MSR1: variants seen among roughly 807,000 people sequenced by gnomAD.
The protein encoded by MSR1 is macrophage scavenger receptor 1, also known as macrophage scavenger receptor types I and II.
Under a neutral mutation model 47.2 loss-of-function variants are expected in MSR1, and 53 were observed. The ratio of observed to expected loss-of-function variants is 1.12; its 90% CI spans 0.90 to 1.41. The LOEUF is 1.41. Among genes scored for constraint, MSR1 ranks in the 40% most tolerant of loss-of-function variants. The pLI is 0.00. For missense variants in MSR1, 786 were observed against 546.9 expected (o/e 1.44, Z -4.36); for synonymous variants, 239 against 185.6 (o/e 1.29, Z -2.34).
At position 16,139,506 on chromosome 8, in the gene MSR1, G is replaced by A. The variant is rs371967391; in HGVS notation, c.1033+4052C>T. 9.1e-6 allele frequency: 9 copies of A among 984,418 alleles called. No individual in the cohort carries two copies. In the East Asian group the frequency reaches 3.4e-4, roughly 37 times the overall value. The allele number at this position is 984,418 out of a possible 1,614,324, so 61.0% of individuals were successfully genotyped here. ...TAGAATCTTAATAGTATGAATCTTG[G>A]GTCTGTGTGTTAAAACGTAAAGGAA... On this transcript the variant is annotated intron_variant, in intron 8 of 9. Coordinates refer to ENST00000262101, the MANE Select transcript of MSR1 (RefSeq NM_138715.3).
chr8:16,146,854 C>T (rs1002855675), intron 7 of MSR1, among the ~76,000 whole-genome samples: 1 of 152,130 alleles, frequency 6.6e-6, no homozygotes, highest in Non-Finnish European at 1.5e-5. Flanking sequence ...GTCTTTTAAT[C>T]TCTGGCCTCT....
rs34122554 is a variant in MSR1 at position 16,120,268 on chromosome 8, T to A, written c.1222+150A>T. On this transcript the variant is annotated intron_variant, in intron 9 of 9. Transcript: ENST00000262101. ...GGCGCGCGGCTGTAGTCCCAGCTAC[T>A]AGGCAGGCTAAGGGAGGAGAATCGC... 1,504 of 795,748 alleles carry A rather than the reference T, an allele frequency of 1.9e-3. 15 individuals carry two copies. The African/African-American group carries it at 0.021, about 11-fold the overall frequency. 49.3% of individuals were successfully genotyped at this position (795,748 alleles called of 1,614,324 possible).
chr8:16,186,353 A>G (rs904897295), intron 1 of MSR1: 1 of 656,796 alleles, frequency 1.5e-6, no homozygotes, highest in African/African-American at 1.8e-5. Flanking sequence ...TGCTTTAAAT[A>G]TAATCTAGAA....
intron 1 of MSR1, among the ~76,000 whole-genome samples, chr8:16,185,818 T>A (rs1801979739): frequency 1.4e-5 from 2 of 142,590 alleles, no homozygotes; most frequent in Admixed American, 7.2e-5. Flanking sequence ...AGGGAAAAAG[T>A]CAAACAGTAG....
intron 1 of MSR1, among the ~76,000 whole-genome samples, chr8:16,192,309 C>T (rs1213310113): frequency 1.3e-5 from 2 of 151,684 alleles, no homozygotes; most frequent in African/African-American, 2.4e-5. Context: ...ATGAAAAAAC[C>T]CCATTGCTGG....
intron 8 of MSR1, among the ~76,000 whole-genome samples, chr8:16,126,759 G>A (rs1050862246): frequency 8.5e-5 from 13 of 152,140 alleles, no homozygotes; most frequent in African/African-American, 3.1e-4. Context: ...ATTTCACCAC[G>A]TAGCCTAGGC....
chr8:16,150,162 A>ATATATATATATATATATATG (rs1800813205), intron 7 of MSR1, 69 bp downstream of exon 7: 2 of 277,820 alleles, frequency 7.2e-6, no homozygotes, highest in African/African-American at 4.8e-5. Context: ...ATATATATAT[A>ATATATATATATATATATATG]TATATATATA....
In MSR1 at chr8:16,161,744, A is replaced by C. The variant is rs181900987; in HGVS notation, c.817+2321T>G. ...AATTTTACTAACTATGAGCATTAGA[A>C]GTAAAAATTGTCTATATATAGTTTT... On this transcript the variant is annotated intron_variant, in intron 5 of 9. Transcript: ENST00000262101. 9.2e-5 allele frequency among the ~76,000 whole-genome samples: 14 copies of C among 152,082 alleles called. No individual in the cohort carries two copies. The East Asian group carries it at 2.7e-3, about 29-fold the overall frequency.
intron 8 of MSR1, among the ~76,000 whole-genome samples, chr8:16,127,705 C>T (rs558449343): frequency 4.1e-4 from 62 of 152,222 alleles, no homozygotes; most frequent in South Asian, 8.3e-4. Flanking sequence ...AAAGAGAGAG[C>T]GAGACTGAGT....
At chr8:16,182,559 C>CTT (rs34893061) in intron 1 of MSR1, among the ~76,000 whole-genome samples, 1 of 146,482 alleles carries the variant, frequency 6.8e-6, no homozygotes, top group East Asian at 2.0e-4. Flanking sequence ...GCTATTTTAA[C>CTT]TTTTTTTTTT....
At chr8:16,183,655 ATAT>A (rs1352605232) in intron 1 of MSR1, among the ~76,000 whole-genome samples, 1 of 142,076 alleles carries the variant, frequency 7.0e-6, no homozygotes, top group Non-Finnish European at 1.5e-5. Context: ...ATATATTATC[ATAT>A]TAATATAACA....
intron 8 of MSR1, among the ~76,000 whole-genome samples, chr8:16,122,110 G>T (rs1179864507): frequency 1.3e-5 from 2 of 151,990 alleles, no homozygotes; most frequent in African/African-American, 4.8e-5. Flanking sequence ...ATATAATTCA[G>T]TGCTAAATAC....
intron 8 of MSR1, among the ~76,000 whole-genome samples, chr8:16,138,638 C>T (rs1024707722): frequency 1.3e-5 from 2 of 152,116 alleles, no homozygotes; most frequent in African/African-American, 2.4e-5. Context: ...CATCGTGTGG[C>T]TGATGTAGAC....
At chr8:16,178,740 A>T (rs571654076) in intron 1 of MSR1, among the ~76,000 whole-genome samples, 1 of 152,162 alleles carries the variant, frequency 6.6e-6, no homozygotes, top group Admixed American at 6.5e-5. Context: ...AAGTGTTCCT[A>T]TTTCTCCACA....
chr8:16,140,348 G>C (rs886177969), intron 8 of MSR1: 1 of 984,804 alleles, frequency 1.0e-6, no homozygotes, highest in African/African-American at 1.8e-5. Flanking sequence ...TTTGGAAAGA[G>C]ACCAGTATTC....
intron 9 of MSR1, among the ~76,000 whole-genome samples, chr8:16,117,600 G>T (rs187065): frequency 6.6e-6 from 1 of 151,988 alleles, no homozygotes; most frequent in Non-Finnish European, 1.5e-5. Context: ...TTAAACTTTC[G>T]AAGCAGAATA....
At chr8:16,113,249 C>A (rs1799803788) in intron 9 of MSR1, among the ~76,000 whole-genome samples, 1 of 150,810 alleles carries the variant, frequency 6.6e-6, no homozygotes, top group African/African-American at 2.5e-5. Flanking sequence ...TGCCTGACCT[C>A]CTCTTCACCT....
intron 1 of MSR1, among the ~76,000 whole-genome samples, chr8:16,192,041 T>C (rs183274560): frequency 1.3e-5 from 2 of 152,298 alleles, no homozygotes; most frequent in East Asian, 3.9e-4. Context: ...TATTTGGGGA[T>C]ATGTTTTAAA....
At chr8:16,127,946 T>C (rs1033276020) in intron 8 of MSR1, among the ~76,000 whole-genome samples, 7 of 152,208 alleles carry the variant, frequency 4.6e-5, no homozygotes, top group Non-Finnish European at 7.3e-5. Context: ...CCATTGGTTA[T>C]TGTCTGTTTA....
Sources: allele counts gnomAD v4.1 joint callset (sites outside exome capture counted in the v4.1 genomes callset), GRCh38; gene constraint gnomAD v4.1.1; transcripts MANE v1.5; gene names NCBI Gene and HGNC (gene_info 2026-07-23, HGNC 2026-07-21).